NR1D2: variants seen among roughly 807,000 people sequenced by gnomAD.
NR1D2 encodes the protein nuclear receptor subfamily 1 group D member 2, also known as V-erbA-related protein 1-related.
A neutral mutation model predicts 52.2 loss-of-function variants in NR1D2; 25 were observed. The ratio of observed to expected loss-of-function variants is 0.48; its 90% CI spans 0.35 to 0.67. NR1D2 has a LOEUF of 0.67. NR1D2 is among the 30% of genes least tolerant of loss of function. NR1D2 has a pLI of 0.01. For synonymous variants in NR1D2, 259 were observed against 230.1 expected, an observed-to-expected ratio of 1.13 and a Z score of -1.14; for missense variants, 681 against 707.2, an observed-to-expected ratio of 0.96 and a Z score of 0.42.
chr3:23,947,216 A>G (rs564933400), intron 1 of NR1D2, among the ~76,000 whole-genome samples: 6 of 152,324 alleles, frequency 3.9e-5, no homozygotes, highest in South Asian at 2.1e-4. Context: ...CATGAATTCT[A>G]ATAGCTTTAG....
intron 4 of NR1D2, 65 bp from the exon 5 acceptor site, chr3:23,961,912 T>G: frequency 6.9e-7 from 1 of 1,443,218 alleles, no homozygotes; most frequent in Non-Finnish European, 9.3e-7. Flanking sequence ...TAATTTTGTG[T>G]TATTCTTTTA....
intron 1 of NR1D2, among the ~76,000 whole-genome samples, chr3:23,953,093 C>G (rs1705987627): frequency 1.3e-5 from 2 of 151,440 alleles, no homozygotes; most frequent in Admixed American, 6.6e-5. Flanking sequence ...AATCCCAGCA[C>G]TGGGAGGCCA....
At chr3:23,964,373 G>A (rs1407106079) in intron 5 of NR1D2, among the ~76,000 whole-genome samples, 3 of 152,140 alleles carry the variant, frequency 2.0e-5, no homozygotes, top group South Asian at 2.1e-4. Context: ...CACTGCGCCC[G>A]GCCAGGCAGT....
chr3:23,977,423 C>T lies in NR1D2; in HGVS notation c.*4C>T, dbSNP rs199724685. On this transcript the variant is annotated 3_prime_UTR_variant, in exon 8 of 8. Coordinates refer to ENST00000312521, the MANE Select transcript of NR1D2 (RefSeq NM_005126.5). ...GGCCTTTAAAGTTCACCCTTAAGGC[C>T]TTTGTTTATTTAAACATGAACTGAT... The T allele has an allele frequency of 1.4e-3, 2,211 of 1,567,710 alleles. 2 individuals carry two copies. Among genetic ancestry groups the T allele is most frequent in the Middle Eastern group, 1.9e-3 (11 of 5,808 alleles).
At chr3:23,975,034 G>A (rs1056361940) in intron 7 of NR1D2, among the ~76,000 whole-genome samples, 1 of 152,004 alleles carries the variant, frequency 6.6e-6, no homozygotes, top group Non-Finnish European at 1.5e-5. Flanking sequence ...GGCCAGGCTG[G>A]TTTCAAACTC....
intron 3 of NR1D2, among the ~76,000 whole-genome samples, chr3:23,957,274 G>A (rs913210638): frequency 1.3e-5 from 2 of 151,392 alleles, no homozygotes; most frequent in African/African-American, 4.9e-5. Flanking sequence ...TGAGCCACGC[G>A]CCCTGCCAAG....
chr3:23,974,403 G>A (rs1209972535), intron 7 of NR1D2, among the ~76,000 whole-genome samples: 1 of 152,080 alleles, frequency 6.6e-6, no homozygotes, highest in East Asian at 1.9e-4. Context: ...TGGGCGATAG[G>A]AATTTTTCAG....
chr3:23,952,876 A>C (rs762610318), intron 1 of NR1D2, among the ~76,000 whole-genome samples: 1 of 151,946 alleles, frequency 6.6e-6, no homozygotes, highest in African/African-American at 2.4e-5. Context: ...TCTTAGCCTC[A>C]ATATATATAA....
intron 3 of NR1D2, among the ~76,000 whole-genome samples, chr3:23,957,587 G>A (rs1706120825): frequency 6.6e-6 from 1 of 151,410 alleles, no homozygotes; most frequent in African/African-American, 2.4e-5. Flanking sequence ...GCCGGACGTA[G>A]TGGTGGGCGC....
Position 23,962,235 on chromosome 3 carries a change from G to A in NR1D2, c.776G>A (p.Arg259Lys). 6.2e-7 allele frequency: 1 copy of A among 1,614,180 alleles called. No individual in the cohort carries two copies. The highest frequency in any genetic ancestry group is 1.1e-5 in the South Asian group (1 of 91,078). ...AKEEVIGMVTRAHKDTFMYNQ... is the reference protein window; with the variant it reads ...AKEEVIGMVTKAHKDTFMYNQ... Reference sequence around the variant, plus strand: ...GAAGAAGTGATTGGCATGGTGACCAGAGCTCACAAGGATACCTTTATGTAT... The same window carrying A: ...GAAGAAGTGATTGGCATGGTGACCAAAGCTCACAAGGATACCTTTATGTAT... Residue 259 changes from arginine to lysine, a missense_variant, in exon 5 of 8, where the codon AGA becomes AAA. Coordinates refer to ENST00000312521, the MANE Select transcript of NR1D2 (RefSeq NM_005126.5).
rs754632595 is a variant in NR1D2 at position 23,954,576 on chromosome 3, C to G, written c.56C>G (p.Ser19Ter). The stretch of plus-strand genomic sequence containing the variant: ...TATATCAGTTCTTCCAGCTCAGCCT[C>G]AAGCCCTGCCTCTTGTCACAGTGAG... ...IAYISSSSSA[S>*]SPASCHSEGS... Residue 19 changes from serine to a stop codon, truncating the protein, a stop_gained, in exon 2 of 8, where the codon TCA becomes TGA. Coordinates refer to ENST00000312521, the MANE Select transcript of NR1D2 (RefSeq NM_005126.5). LOFTEE classifies it high-confidence loss of function. 6.2e-7 allele frequency: 1 copy of G among 1,614,142 alleles called. No individual in the cohort carries two copies. Among genetic ancestry groups the G allele is most frequent in the Non-Finnish European group, 8.5e-7 (1 of 1,179,968 alleles).
chr3:23,957,356 C>T (rs1464299508), intron 3 of NR1D2, among the ~76,000 whole-genome samples: 1 of 135,174 alleles, frequency 7.4e-6, no homozygotes, highest in East Asian at 2.3e-4. Flanking sequence ...GCATTTTTTT[C>T]ATTGTTTAAA....
intron 7 of NR1D2, among the ~76,000 whole-genome samples, chr3:23,973,984 A>G (rs1179289804): frequency 6.6e-6 from 1 of 151,798 alleles, no homozygotes; most frequent in Non-Finnish European, 1.5e-5. Context: ...GAGCAGTAAC[A>G]TGCATGAGCT....
chr3:23,958,348 T>C (rs1706140810), intron 3 of NR1D2, among the ~76,000 whole-genome samples: 2 of 152,208 alleles, frequency 1.3e-5, no homozygotes, highest in Non-Finnish European at 2.9e-5. Flanking sequence ...GTCCACTTTT[T>C]AAGAAGTAGT....
intron 7 of NR1D2, among the ~76,000 whole-genome samples, chr3:23,976,898 A>T (rs1706738673): frequency 6.6e-6 from 1 of 152,180 alleles, no homozygotes; most frequent in South Asian, 2.1e-4. Flanking sequence ...ACATTATTTT[A>T]TTTTGCTAAT....
chr3:23,973,836 AATTT>A (rs1403541944), intron 7 of NR1D2, among the ~76,000 whole-genome samples: 10 of 152,074 alleles, frequency 6.6e-5, no homozygotes, highest in South Asian at 4.1e-4. Context: ...TTCTATTTAT[AATTT>A]ATTTATTTAC....
At chr3:23,963,934 T>TGG (rs1559335209) in intron 5 of NR1D2, among the ~76,000 whole-genome samples, 4 of 150,318 alleles carry the variant, frequency 2.7e-5, no homozygotes, top group Admixed American at 1.3e-4. Context: ...TTTTTTTTTT[T>TGG]TAATAACTTC....
intron 7 of NR1D2, among the ~76,000 whole-genome samples, chr3:23,973,717 C>G (rs988580803): frequency 6.6e-6 from 1 of 152,090 alleles, no homozygotes; most frequent in African/African-American, 2.4e-5. Context: ...ACTTTATAAA[C>G]TTAAATTTTT....
At position 23,977,241 on chromosome 3, in the gene NR1D2, A is replaced by C. The variant is rs925779875; in HGVS notation, c.1562A>C (p.Asn521Thr). ...LVSADRSGIE[N>T]VNSVEALQET... ...CTCTTAGATCGATCTGGAATAGAAA[A>C]CGTCAACTCTGTGGAGGCTTTGCAG... The change falls in exon 8 of 8, where the codon AAC becomes ACC. Residue 521 changes from asparagine to threonine, a missense_variant. Asn to Thr is a moderately conservative substitution (Grantham distance 65). Coordinates refer to ENST00000312521, the MANE Select transcript of NR1D2 (RefSeq NM_005126.5). 3.8e-6 allele frequency: 6 copies of C among 1,591,842 alleles called. No individual in the cohort carries two copies. The highest frequency in any genetic ancestry group is 5.1e-6 in the Non-Finnish European group (6 of 1,171,554).
Sources: gnomAD v4.1 joint callset for allele counts (sites outside exome capture counted in the v4.1 genomes callset) on GRCh38, gnomAD v4.1.1 for gene constraint, MANE v1.5 for transcripts, NCBI Gene and HGNC (gene_info 2026-07-23, HGNC 2026-07-21) for gene names.